SENP6: variants seen among roughly 807,000 people sequenced by gnomAD.
SENP6 encodes the protein SUMO specific peptidase 6.
A neutral mutation model predicts 134.5 loss-of-function variants in SENP6; 41 were observed. The observed-to-expected ratio is 0.30, with a 90% CI of 0.24 to 0.40. SENP6 has a LOEUF of 0.40. Among genes scored for constraint, SENP6 ranks in the 10% least tolerant of loss-of-function variants. The probability of loss-of-function intolerance (pLI) is 1.00; values close to 1 mark genes in which losing one functional copy is unlikely to be tolerated. For synonymous variants in SENP6, 395 were observed against 429.8 expected (o/e 0.92, Z 1.00); for missense variants, 1,248 against 1,312.5 (o/e 0.95, Z 0.76).
At chr6:75,635,536 A>G (rs564635388) in intron 5 of SENP6, among the ~76,000 whole-genome samples, 7 of 152,242 alleles carry the variant, frequency 4.6e-5, no homozygotes, top group Non-Finnish European at 1.0e-4. Flanking sequence ...GAACCTTGCT[A>G]TATTTTTCTG....
intron 7 of SENP6, chr6:75,654,994 A>G (rs1287116325): frequency 6.6e-6 from 1 of 152,242 alleles, no homozygotes; most frequent in Non-Finnish European, 1.5e-5. Context: ...CGCCTGGTAT[A>G]CTTCTAAACA....
chr6:75,622,744 A>G, intron 2 of SENP6: 1 of 1,268,314 alleles, frequency 7.9e-7, no homozygotes, highest in Non-Finnish European at 1.0e-6. Context: ...TTGGCTAAAT[A>G]TTGTAGGTGC....
In SENP6 at chr6:75,713,500, T is replaced by C; in HGVS notation, c.2910-13T>C. Reference sequence around the variant, plus strand: ...TATGAAGTATTCGACTTTTGGTCATTTTTACCCTGCAGACCTTGTATCCTA... The same window carrying C: ...TATGAAGTATTCGACTTTTGGTCATCTTTACCCTGCAGACCTTGTATCCTA... On this transcript the variant is annotated splice_polypyrimidine_tract_variant and intron_variant, in intron 21 of 23. Transcript: ENST00000447266. 1 of 1,607,698 alleles carries C rather than the reference T, an allele frequency of 6.2e-7. No individual in the cohort carries two copies. Among genetic ancestry groups the C allele is most frequent in the Non-Finnish European group, 8.5e-7 (1 of 1,177,174 alleles).
At chr6:75,707,881 G>A (rs749469032) in intron 19 of SENP6, among the ~76,000 whole-genome samples, 2 of 151,896 alleles carry the variant, frequency 1.3e-5, no homozygotes, top group Non-Finnish European at 2.9e-5. Context: ...TAGAGACAGG[G>A]TCTCACTATG....
At chr6:75,625,135 A>C (rs1768580599) in intron 3 of SENP6, among the ~76,000 whole-genome samples, 1 of 101,476 alleles carries the variant, frequency 9.9e-6, no homozygotes, top group African/African-American at 3.9e-5. Context: ...TTTTTTTCAG[A>C]CGGAGTCTGG....
chr6:75,655,932 A>C (rs1009902544), intron 7 of SENP6, among the ~76,000 whole-genome samples: 1 of 152,108 alleles, frequency 6.6e-6, no homozygotes, highest in Non-Finnish European at 1.5e-5. Flanking sequence ...AAAGACATTG[A>C]GCTAGGCTGG....
chr6:75,694,699 A>G (rs556005795), intron 16 of SENP6, among the ~76,000 whole-genome samples: 96 of 152,280 alleles, frequency 6.3e-4, no homozygotes, highest in Admixed American at 7.8e-4. Flanking sequence ...AGGATTTTCT[A>G]TGATCATGTA....
chr6:75,713,397 T>C, intron 21 of SENP6, 116 bp from the exon 22 acceptor site: 1 of 833,626 alleles, frequency 1.2e-6, no homozygotes, highest in Non-Finnish European at 1.9e-6. Context: ...TACTGAGTCA[T>C]ACAAAGGGGA....
At chr6:75,711,473 C>A in intron 21 of SENP6, 57 bp downstream of exon 21, 2 of 1,085,442 alleles carry the variant, frequency 1.8e-6, no homozygotes, top group South Asian at 1.7e-5. Context: ...GCTCATAAAA[C>A]ATAACAGGAC....
chr6:75,672,197 T>C (rs567105699), intron 11 of SENP6, among the ~76,000 whole-genome samples: 1 of 152,238 alleles, frequency 6.6e-6, no homozygotes, highest in South Asian at 2.1e-4. Context: ...TGTTCAGGAG[T>C]GCCCTGTAAC....
At chr6:75,628,328 T>G (rs946054936) in intron 3 of SENP6, among the ~76,000 whole-genome samples, 3 of 152,152 alleles carry the variant, frequency 2.0e-5, no homozygotes, top group African/African-American at 7.2e-5. Context: ...AGCTTAACAT[T>G]AAGTAGAACT....
intron 16 of SENP6, among the ~76,000 whole-genome samples, chr6:75,690,811 T>C (rs1774188686): frequency 2.0e-5 from 3 of 151,758 alleles, no homozygotes; most frequent in Non-Finnish European, 4.4e-5. Context: ...TTCTCCTGCC[T>C]CAGCCTCCTG....
intron 16 of SENP6, among the ~76,000 whole-genome samples, chr6:75,682,597 G>A (rs1276883336): frequency 1.3e-5 from 2 of 151,688 alleles, no homozygotes; most frequent in Non-Finnish European, 2.9e-5. Flanking sequence ...GATGTTCCCC[G>A]CCCTGTATCC....
intron 7 of SENP6, among the ~76,000 whole-genome samples, chr6:75,658,460 A>T (rs967828494): frequency 6.6e-6 from 1 of 152,128 alleles, no homozygotes; most frequent in Non-Finnish European, 1.5e-5. Context: ...CAGATTCTTC[A>T]CTTATGTTTT....
intron 17 of SENP6, 40 bp from the exon 18 acceptor site, chr6:75,697,385 G>C: frequency 7.2e-7 from 1 of 1,397,448 alleles, no homozygotes; most frequent in East Asian, 2.3e-5. Context: ...TGGAGCACTA[G>C]AAATATTTCA....
At chr6:75,705,536 T>A (rs1351354326) in intron 19 of SENP6, among the ~76,000 whole-genome samples, 2 of 151,996 alleles carry the variant, frequency 1.3e-5, no homozygotes, top group Non-Finnish European at 2.9e-5. Flanking sequence ...AGAGCGAGAC[T>A]CCATCTCAAA....
chr6:75,680,710 C>T (rs1247475091), intron 16 of SENP6, among the ~76,000 whole-genome samples: 1 of 152,176 alleles, frequency 6.6e-6, no homozygotes, highest in African/African-American at 2.4e-5. Context: ...CCTGGACTTG[C>T]ACCCCTGAAC....
At chr6:75,624,806 T>C (rs112771278) in intron 3 of SENP6, among the ~76,000 whole-genome samples, 2 of 152,310 alleles carry the variant, frequency 1.3e-5, no homozygotes, top group African/African-American at 4.8e-5. Flanking sequence ...ATGCATCTTA[T>C]TAAGATAGCA....
At chr6:75,659,141 TAA>T in intron 7 of SENP6, 119 bp from the exon 8 acceptor site, 1 of 713,628 alleles carries the variant, frequency 1.4e-6, no homozygotes, top group South Asian at 2.1e-5. Context: ...GAAAAATAAA[TAA>T]GAGAAGAGTA....
Sources: allele counts gnomAD v4.1 joint callset (sites outside exome capture counted in the v4.1 genomes callset), GRCh38; gene constraint gnomAD v4.1.1; transcripts MANE v1.5; gene names NCBI Gene and HGNC (gene_info 2026-07-23, HGNC 2026-07-21).